The following GRM7 variants were observed in gnomAD, a reference collection of about 807,000 sequenced individuals.
The protein encoded by GRM7 is metabotropic glutamate receptor 7.
In GRM7, 35 loss-of-function variants were observed where a neutral mutation model predicts 84.5. The ratio of observed to expected loss-of-function variants is 0.41; its 90% confidence interval spans 0.32 to 0.55. The LOEUF (loss-of-function observed/expected upper bound fraction) is 0.55, where lower values mean the gene tolerates loss of function less well. GRM7 is among the 20% of genes least tolerant of loss of function. The pLI, the probability that GRM7 is intolerant of heterozygous loss-of-function variation, is 0.19. For missense variants in GRM7, 1,003 were observed against 1,194.6 expected (o/e 0.84, Z 2.36); for synonymous variants, 487 against 455.1 (o/e 1.07, Z -0.89).
rs776643010 is a variant in GRM7, at chr3:7,146,677, A to T, written c.736+9A>T. The T allele has an allele frequency of 5.6e-6, 9 of 1,595,522 alleles. No homozygotes were observed. In the South Asian group the frequency reaches 7.7e-5, roughly 14 times the overall value. The stretch of plus-strand genomic sequence containing the variant: ...GATTTCCAAAGAGGCAGGTAGGATG[A>T]GATTGCTCTGATCAAGCTGGCTCTC... On this transcript the variant is annotated intron_variant, in intron 2 of 9. Transcript: ENST00000357716.
chr3:7,689,085 A>G (rs962696483), intron 9 of GRM7, among the ~76,000 whole-genome samples: 4 of 152,244 alleles, frequency 2.6e-5, no homozygotes, highest in Admixed American at 6.5e-5. Flanking sequence ...TTAATCTGGC[A>G]TCATCACCAT....
At chr3:7,282,883 G>T (rs1328089248) in intron 2 of GRM7, among the ~76,000 whole-genome samples, 2 of 152,200 alleles carry the variant, frequency 1.3e-5, no homozygotes, top group African/African-American at 4.8e-5. Context: ...ATGTGGACCA[G>T]AGGAATTTAC....
intron 7 of GRM7, among the ~76,000 whole-genome samples, chr3:7,575,266 A>C (rs1304829720): frequency 6.6e-6 from 1 of 152,216 alleles, no homozygotes; most frequent in Non-Finnish European, 1.5e-5. Context: ...AGGAAAATGC[A>C]TCTTTATGGA....
intron 7 of GRM7, among the ~76,000 whole-genome samples, chr3:7,556,142 A>T (rs1693745485): frequency 6.6e-6 from 1 of 152,096 alleles, no homozygotes; most frequent in South Asian, 2.1e-4. Context: ...TAGTTCATAC[A>T]TGATGCCTTA....
intron 1 of GRM7, among the ~76,000 whole-genome samples, chr3:7,143,356 A>T (rs1380812171): frequency 2.6e-5 from 4 of 152,138 alleles, no homozygotes; most frequent in African/African-American, 9.7e-5. Context: ...GCTACAAGGG[A>T]TATCCTTATA....
At chr3:7,569,402 G>C (rs941347469) in intron 7 of GRM7, among the ~76,000 whole-genome samples, 1 of 152,060 alleles carries the variant, frequency 6.6e-6, no homozygotes, top group Admixed American at 6.5e-5. Flanking sequence ...ATCTAGTGGG[G>C]ACATGGAGAA....
In GRM7 at chr3:6,983,967, G is replaced by T. The variant is rs9858275; in HGVS notation, c.519+122060G>T. On this transcript the variant is annotated intron_variant, in intron 1 of 9. Transcript: ENST00000357716. ...ATCAAAATAACCCTCCATGTGGTTT[G>T]TTTTCTTCTGTCATCATAAAACAAA... Among the ~76,000 whole-genome samples the T allele has an allele frequency of 3.9e-3, 592 of 152,188 alleles. 2 individuals are homozygous for T. The highest frequency in any genetic ancestry group is 0.013 in the African/African-American group (528 of 41,538).
At position 7,680,160 on chromosome 3, in the gene GRM7, A is replaced by G. The variant is rs745609942; in HGVS notation, c.2563A>G (p.Asn855Asp). 1 of 1,614,164 alleles carries G rather than the reference A, an allele frequency of 6.2e-7. No individual in the cohort carries two copies. The highest frequency in any genetic ancestry group is 1.7e-5 in the Admixed American group (1 of 60,022). ...CATCATCATTTTCCACCCTGAACTC[A>G]ATGTCCAGAAACGGAAGCGAAGCTT... ...VYIIIFHPELNVQKRKRSFKA... is the reference protein window; with the variant it reads ...VYIIIFHPELDVQKRKRSFKA... The change falls in exon 9 of 10, where the codon AAT becomes GAT. Residue 855 changes from asparagine to aspartate, a missense_variant. Coordinates refer to ENST00000357716, the MANE Select transcript of GRM7 (RefSeq NM_000844.4).
At chr3:7,046,317 T>C (rs555771392) in intron 1 of GRM7, among the ~76,000 whole-genome samples, 2 of 152,234 alleles carry the variant, frequency 1.3e-5, no homozygotes, top group African/African-American at 2.4e-5. Flanking sequence ...GTGTGAGTAG[T>C]TGGCAAGGTT....
At chr3:7,298,516 C>A in intron 2 of GRM7, 168 bp from the exon 3 acceptor site, 1 of 590,894 alleles carries the variant, frequency 1.7e-6, no homozygotes, top group South Asian at 2.2e-5. Flanking sequence ...TAGGTATGAA[C>A]AACATCTCAG....
At chr3:6,967,831 C>T (rs113053289) in intron 1 of GRM7, among the ~76,000 whole-genome samples, 7 of 152,198 alleles carry the variant, frequency 4.6e-5, no homozygotes, top group Non-Finnish European at 7.4e-5. Flanking sequence ...GTTCTCAAAC[C>T]TGGCTGCCCA....
intron 2 of GRM7, among the ~76,000 whole-genome samples, chr3:7,246,273 G>T (rs1201258377): frequency 6.6e-6 from 1 of 152,110 alleles, no homozygotes; most frequent in Non-Finnish European, 1.5e-5. Context: ...CTCCAGATTA[G>T]CCTATTGCAT....
intron 1 of GRM7, among the ~76,000 whole-genome samples, chr3:7,016,729 G>A (rs1429180361): frequency 1.3e-5 from 2 of 152,162 alleles, no homozygotes; most frequent in Non-Finnish European, 2.9e-5. Flanking sequence ...ACATGGTATA[G>A]TGCCAACATT....
chr3:6,948,059 G>T (rs1420851339), intron 1 of GRM7, among the ~76,000 whole-genome samples: 2 of 152,110 alleles, frequency 1.3e-5, no homozygotes, highest in Admixed American at 1.3e-4. Flanking sequence ...ATTTCCTTCA[G>T]TTCTGCTCTG....
chr3:7,725,506 C>T (rs1435943217), intron 9 of GRM7, among the ~76,000 whole-genome samples: 3 of 151,806 alleles, frequency 2.0e-5, no homozygotes, highest in Non-Finnish European at 2.9e-5. Flanking sequence ...CACAGGCACA[C>T]ACACACACAC....
At chr3:7,327,656 A>T (rs894715144) in intron 4 of GRM7, among the ~76,000 whole-genome samples, 1 of 152,232 alleles carries the variant, frequency 6.6e-6, no homozygotes, top group African/African-American at 2.4e-5. Context: ...CAGTTGGATG[A>T]CTTGATTTTC....
At chr3:7,093,925 AT>A (rs1698764746) in intron 1 of GRM7, among the ~76,000 whole-genome samples, 1 of 152,104 alleles carries the variant, frequency 6.6e-6, no homozygotes, top group Admixed American at 6.6e-5. Context: ...AGAAAACTCT[AT>A]TTATGGGATT....
At chr3:7,310,453 A>G (rs4128669) in intron 4 of GRM7, among the ~76,000 whole-genome samples, 2,671 of 152,300 alleles carry the variant, frequency 0.018, 90 homozygotes, top group African/African-American at 0.061. Context: ...GATCTGAACT[A>G]AAATATTCCT....
chr3:7,236,735 T>C lies in GRM7; in HGVS notation c.737-61949T>C, dbSNP rs117586599. Among the ~76,000 whole-genome samples the C allele has an allele frequency of 6.4e-4, 98 of 152,326 alleles. 4 individuals are homozygous for C. The East Asian group carries it at 0.01, about 16-fold the overall frequency. On this transcript the variant is annotated intron_variant, in intron 2 of 9. Transcript: ENST00000357716. ...ATCCAATCACAAGATATGTGAATGATATCTTTTCCAGAGCACTCAGCTCTC... is the reference window on the plus strand; with the variant it reads ...ATCCAATCACAAGATATGTGAATGACATCTTTTCCAGAGCACTCAGCTCTC...
Sources: gnomAD v4.1 joint callset for allele counts (sites outside exome capture counted in the v4.1 genomes callset) on GRCh38, gnomAD v4.1.1 for gene constraint, MANE v1.5 for transcripts, NCBI Gene and HGNC (gene_info 2026-07-23, HGNC 2026-07-21) for gene names.